Variants in FOXN3 observed in about 807,000 individuals in gnomAD.
FOXN3 encodes forkhead box N3.
In FOXN3, 7 loss-of-function variants were observed where a neutral mutation model predicts 38.4. The observed-to-expected ratio is 0.18, with a 90% CI of 0.10 to 0.34. The LOEUF (loss-of-function observed/expected upper bound fraction) is 0.34. FOXN3 is among the 10% of genes least tolerant of loss of function. The pLI is 1.00. For synonymous variants in FOXN3, 230 were observed against 242.2 expected (o/e 0.95, Z 0.47); for missense variants, 456 against 613.4 (o/e 0.74, Z 2.71).
At chr14:89,597,226 ATTGC>A (rs758893672) in intron 1 of FOXN3, among the ~76,000 whole-genome samples, 1 of 152,076 alleles carries the variant, frequency 6.6e-6, no homozygotes, top group African/African-American at 2.4e-5. Context: ...TTGACTTGTG[ATTGC>A]TTAACTTCTA....
intron 3 of FOXN3, among the ~76,000 whole-genome samples, chr14:89,334,344 T>C (rs1223996125): frequency 6.6e-6 from 1 of 152,150 alleles, no homozygotes; most frequent in Non-Finnish European, 1.5e-5. Flanking sequence ...ATGTGGTGGC[T>C]CACGCCTGTA....
rs61473681 is a variant in FOXN3 at position 89,497,333 on chromosome 14, C to T, written c.-14-84843G>A. Among the ~76,000 whole-genome samples the T allele has an allele frequency of 1.7e-3, 256 of 151,914 alleles. 1 individual carries two copies. Among genetic ancestry groups the T allele is most frequent in the African/African-American group, 5.6e-3 (234 of 41,442 alleles). On this transcript the variant is annotated intron_variant, in intron 1 of 6. Transcript: ENST00000345097. ...TTTTATTTATCCATTCATCTGTCGA[C>T]AGACACTTGCGTTGCTTCCATGTTA...
At chr14:89,319,996 G>A (rs1193512511) in intron 3 of FOXN3, among the ~76,000 whole-genome samples, 1 of 152,132 alleles carries the variant, frequency 6.6e-6, no homozygotes, top group Non-Finnish European at 1.5e-5. Flanking sequence ...ACTAAGACAG[G>A]TAAACATCAG....
intron 1 of FOXN3, among the ~76,000 whole-genome samples, chr14:89,559,877 G>T (rs1895211325): frequency 6.6e-6 from 1 of 152,010 alleles, no homozygotes; most frequent in Non-Finnish European, 1.5e-5. Context: ...TACACTTCAG[G>T]GGAGGAGGAG....
chr14:89,235,402 C>G (rs1370146799), intron 4 of FOXN3, among the ~76,000 whole-genome samples: 2 of 152,124 alleles, frequency 1.3e-5, no homozygotes, highest in East Asian at 3.9e-4. Context: ...CAACCCCAAT[C>G]AGCACCAGCG....
At chr14:89,180,096 G>A (rs1466968400) in intron 5 of FOXN3, among the ~76,000 whole-genome samples, 2 of 152,228 alleles carry the variant, frequency 1.3e-5, no homozygotes, top group African/African-American at 2.4e-5. Context: ...GCAGGCTGGC[G>A]GTGGACCCTG....
intron 2 of FOXN3, chr14:89,401,520 G>A (rs768194007): frequency 1.6e-5 from 7 of 451,298 alleles, no homozygotes; most frequent in African/African-American, 8.0e-5. Context: ...AAAGGAATTC[G>A]GCACACAGTG....
chr14:89,465,563 AT>A (rs748666452), intron 1 of FOXN3, among the ~76,000 whole-genome samples: 2 of 152,212 alleles, frequency 1.3e-5, no homozygotes, highest in African/African-American at 2.4e-5. Context: ...GACTAATACA[AT>A]CCAGAAGAAC....
chr14:89,468,749 C>A (rs1328794265), intron 1 of FOXN3, among the ~76,000 whole-genome samples: 1 of 152,182 alleles, frequency 6.6e-6, no homozygotes, highest in Non-Finnish European at 1.5e-5. Context: ...GGCTTTGAAC[C>A]AGTCCCCTGG....
intron 1 of FOXN3, among the ~76,000 whole-genome samples, chr14:89,461,914 C>T (rs1021403081): frequency 6.6e-6 from 1 of 152,204 alleles, no homozygotes; most frequent in Non-Finnish European, 1.5e-5. Context: ...CTATCAGGAG[C>T]AGGACTGGGC....
rs1203499277 is a variant in FOXN3 at position 89,180,696 on chromosome 14, C to A, written c.851+5G>T. 1 of 1,600,242 alleles carries A rather than the reference C, an allele frequency of 6.2e-7. No homozygotes were observed. Among genetic ancestry groups the A allele is most frequent in the South Asian group, 1.1e-5 (1 of 88,838 alleles). ...CTGGCTCTGCCCAGCGCACTCCCCA[C>A]TTACCTCATGGCCGCTGTCACCCCA... On this transcript the variant is annotated splice_donor_5th_base_variant and intron_variant, in intron 5 of 5. Coordinates refer to ENST00000557258, the MANE Select transcript of FOXN3 (RefSeq NM_005197.4).
At chr14:89,573,077 G>A (rs1895527083) in intron 1 of FOXN3, among the ~76,000 whole-genome samples, 1 of 152,198 alleles carries the variant, frequency 6.6e-6, no homozygotes, top group African/African-American at 2.4e-5. Flanking sequence ...TACAGGAAAA[G>A]GGAGAAGGAG....
chr14:89,173,061 G>A (rs1349531286), intron 5 of FOXN3, among the ~76,000 whole-genome samples: 2 of 152,152 alleles, frequency 1.3e-5, no homozygotes, highest in South Asian at 2.1e-4. Context: ...TGCAACATAT[G>A]TAGTCAATAC....
At position 89,512,381 on chromosome 14, in the gene FOXN3, C is replaced by T. The variant is rs566402228; in HGVS notation, c.-14-99891G>A. Among the ~76,000 whole-genome samples, 79 of 152,132 alleles carry T rather than the reference C, an allele frequency of 5.2e-4. 1 individual carries two copies. The highest frequency in any genetic ancestry group is 9.9e-4 in the Non-Finnish European group (67 of 68,018). On this transcript the variant is annotated intron_variant, in intron 1 of 6. Transcript: ENST00000345097. ...GAAAGACGTGAAAACCACAAGGAAG[C>T]GGTTAAATATACCATTTTAACAAAG...
chr14:89,338,812 G>GA lies in FOXN3; in HGVS notation c.680+11859dup, dbSNP rs566592419. On this transcript the variant is annotated intron_variant, in intron 3 of 5. Coordinates refer to ENST00000557258, the MANE Select transcript of FOXN3 (RefSeq NM_005197.4). ...TGAAAGGGCAAAACTCTGTCTCAAAGAAAAAAAATATTTGGTATGCAGCAT... is the reference window on the plus strand; with the variant it reads ...TGAAAGGGCAAAACTCTGTCTCAAAGAAAAAAAAATATTTGGTATGCAGCAT... Among the ~76,000 whole-genome samples the GA allele has an allele frequency of 1.7e-4, 26 of 151,654 alleles. No homozygotes were observed. The South Asian group carries it at 4.0e-3, about 23-fold the overall frequency.
intron 1 of FOXN3, among the ~76,000 whole-genome samples, chr14:89,455,651 A>T (rs1235755830): frequency 6.6e-6 from 1 of 152,174 alleles, no homozygotes; most frequent in African/African-American, 2.4e-5. Flanking sequence ...ATCTGACAGC[A>T]GGGCGGGACC....
chr14:89,502,727 A>G (rs556569882), intron 1 of FOXN3, among the ~76,000 whole-genome samples: 1 of 152,146 alleles, frequency 6.6e-6, no homozygotes, highest in South Asian at 2.1e-4. Flanking sequence ...TGTCGGGGGG[A>G]AAGAAGGAGT....
intron 1 of FOXN3, among the ~76,000 whole-genome samples, chr14:89,458,339 C>T (rs1892770585): frequency 6.6e-6 from 1 of 152,232 alleles, no homozygotes; most frequent in Non-Finnish European, 1.5e-5. Context: ...GTATTAGAAA[C>T]ACACAAGGTG....
intron 4 of FOXN3, 109 bp from the exon 5 acceptor site, chr14:89,180,915 G>A (rs201785048): frequency 1.4e-6 from 1 of 694,886 alleles, no homozygotes; most frequent in Non-Finnish European, 2.4e-6. Flanking sequence ...AGAGACAGAG[G>A]GCAGAGACAG....
Sources: allele counts gnomAD v4.1 joint callset (sites outside exome capture counted in the v4.1 genomes callset), GRCh38; gene constraint gnomAD v4.1.1; transcripts MANE v1.5; gene names NCBI Gene and HGNC (gene_info 2026-07-23, HGNC 2026-07-21).